The following RBMS3 variants were observed in gnomAD, a reference collection of about 807,000 sequenced individuals.
RBMS3 encodes the protein RNA-binding motif, single-stranded-interacting protein 3.
A neutral mutation model predicts 66.8 loss-of-function variants in RBMS3; 27 were observed. That is an observed-to-expected ratio of 0.40 (90% CI 0.30 to 0.56). The LOEUF (loss-of-function observed/expected upper bound fraction) is 0.56, where lower values mean the gene tolerates loss of function less well. Ranked by LOEUF, RBMS3 falls within the 20% of genes least tolerant of loss-of-function variation. RBMS3 has a pLI of 0.40. For synonymous variants in RBMS3, 188 were observed against 183.0 expected, an observed-to-expected ratio of 1.03 and a Z score of -0.22; for missense variants, 513 against 549.5, an observed-to-expected ratio of 0.93 and a Z score of 0.66.
intron 1 of RBMS3, among the ~76,000 whole-genome samples, chr3:29,338,698 CCTCCTCTCCT>C (rs145928823): frequency 8.8e-6 from 1 of 114,204 alleles, no homozygotes; most frequent in Non-Finnish European, 1.8e-5. Flanking sequence ...CTCCTCTCCT[CCTCCTCTCCT>C]CTCCTCTCCT....
chr3:29,376,588 T>C (rs2038481583), intron 1 of RBMS3, among the ~76,000 whole-genome samples: 1 of 151,944 alleles, frequency 6.6e-6, no homozygotes, highest in African/African-American at 2.4e-5. Context: ...CTGACCAACA[T>C]GGTGAAACTT....
intron 2 of RBMS3, among the ~76,000 whole-genome samples, chr3:29,475,234 T>C (rs2042902211): frequency 6.6e-6 from 1 of 151,878 alleles, no homozygotes; most frequent in African/African-American, 2.4e-5. Context: ...TTGGCTTTAA[T>C]AAGTTTCTTT....
chr3:29,409,709 G>A (rs2040184374), intron 1 of RBMS3, among the ~76,000 whole-genome samples: 1 of 152,194 alleles, frequency 6.6e-6, no homozygotes, highest in Non-Finnish European at 1.5e-5. Context: ...TAAACTCAGA[G>A]CTAATGTGAG....
Position 29,953,706 on chromosome 3 carries a change from C to T in RBMS3, c.1098+9452C>T, listed in dbSNP as rs138110513. Among the ~76,000 whole-genome samples, 19 of 151,906 alleles carry T rather than the reference C, an allele frequency of 1.3e-4. No individual in the cohort carries two copies. The East Asian group carries it at 1.4e-3, about 11-fold the overall frequency. On this transcript the variant is annotated intron_variant, in intron 12 of 14. Coordinates refer to ENST00000383767, the MANE Select transcript of RBMS3 (RefSeq NM_001003793.3). Reference sequence around the variant, plus strand: ...TAACATTTGATTGTCACAATCATTCCGCAGGGAGTTTCTTTGTCCTCTGCA... The same window carrying T: ...TAACATTTGATTGTCACAATCATTCTGCAGGGAGTTTCTTTGTCCTCTGCA...
At chr3:29,551,734 G>C (rs1444203579) in intron 3 of RBMS3, among the ~76,000 whole-genome samples, 1 of 152,172 alleles carries the variant, frequency 6.6e-6, no homozygotes, top group Non-Finnish European at 1.5e-5. Context: ...CAATTCAAGT[G>C]TGACGAGGTA....
intron 4 of RBMS3, among the ~76,000 whole-genome samples, chr3:29,648,094 A>G (rs2050003799): frequency 6.6e-6 from 1 of 152,062 alleles, no homozygotes. Flanking sequence ...TTATAAATAC[A>G]TTTGCAATAC....
At chr3:29,515,028 C>T (rs974189935) in intron 3 of RBMS3, among the ~76,000 whole-genome samples, 1 of 151,986 alleles carries the variant, frequency 6.6e-6, no homozygotes, top group Admixed American at 6.6e-5. Context: ...AGTCACAGAG[C>T]CTGATAGAGT....
intron 4 of RBMS3, among the ~76,000 whole-genome samples, chr3:29,689,648 A>T (rs1442076971): frequency 6.6e-6 from 1 of 152,180 alleles, no homozygotes; most frequent in African/African-American, 2.4e-5. Flanking sequence ...CTGATTAATT[A>T]GAAGGCTTGC....
intron 4 of RBMS3, among the ~76,000 whole-genome samples, chr3:29,604,045 A>G (rs1184495281): frequency 6.6e-6 from 1 of 151,986 alleles, no homozygotes; most frequent in African/African-American, 2.4e-5. Flanking sequence ...TCATACTGCA[A>G]TGCATTAAAT....
In RBMS3 at chr3:29,860,090, C is replaced by T. The variant is rs148748053; in HGVS notation, c.638-8768C>T. ...TGAAAATGATTAAAGGCATGGGTTC[C>T]AGCATACAGTTAGCTTCAGACACTT... On this transcript the variant is annotated intron_variant, in intron 6 of 14. Transcript: ENST00000383767. 2.7e-3 allele frequency among the ~76,000 whole-genome samples: 412 copies of T among 152,254 alleles called. 2 individuals are homozygous for T. Among genetic ancestry groups the T allele is most frequent in the Non-Finnish European group, 3.7e-3 (250 of 68,014 alleles).
chr3:29,957,184 G>C (rs908445460), intron 12 of RBMS3, among the ~76,000 whole-genome samples: 1 of 152,016 alleles, frequency 6.6e-6, no homozygotes, highest in African/African-American at 2.4e-5. Flanking sequence ...GTAACATTTA[G>C]CACACTGAAT....
At chr3:29,439,778 A>G (rs1190016046) in intron 2 of RBMS3, among the ~76,000 whole-genome samples, 2 of 152,008 alleles carry the variant, frequency 1.3e-5, no homozygotes, top group African/African-American at 4.8e-5. Flanking sequence ...CCCAGTCTTG[A>G]ACGGGTCATC....
rs142817613 is a variant in RBMS3 at position 29,522,257 on chromosome 3, A to T, written c.307+33758A>T. On this transcript the variant is annotated intron_variant, in intron 3 of 14. Transcript: ENST00000383767. ...ACTCAGGCTGGAGTGCAGTGCTGTG[A>T]TCTCGGCTCACTGCAACCTCCACCT... 7.1e-3 allele frequency among the ~76,000 whole-genome samples: 1,084 copies of T among 152,134 alleles called. 9 individuals carry two copies. Among genetic ancestry groups the T allele is most frequent in the South Asian group, 0.036 (172 of 4,824 alleles).
intron 7 of RBMS3, among the ~76,000 whole-genome samples, chr3:29,871,762 C>G (rs2059497135): frequency 6.6e-6 from 1 of 152,004 alleles, no homozygotes; most frequent in Non-Finnish European, 1.5e-5. Flanking sequence ...GGATACAAAA[C>G]CAATAGATTA....
At chr3:29,851,842 T>C (rs1358547667) in intron 6 of RBMS3, among the ~76,000 whole-genome samples, 1 of 152,182 alleles carries the variant, frequency 6.6e-6, no homozygotes, top group African/African-American at 2.4e-5. Flanking sequence ...TTAAGATGCA[T>C]GTGTAACTAA....
Position 29,295,308 on chromosome 3 carries a change from TATATATACATATATATATAC to T in RBMS3, c.75+13554_75+13573del, listed in dbSNP as rs1559467257. Among the ~76,000 whole-genome samples, 348 of 56,600 alleles carry T rather than the reference TATATATACATATATATATAC, an allele frequency of 6.1e-3. 3 individuals carry two copies. Among genetic ancestry groups the T allele is most frequent in the African/African-American group, 0.018 (335 of 18,426 alleles). The allele number at this position is 56,600 out of a possible 152,430, so 37.1% of individuals were successfully genotyped here. A position where few individuals can be genotyped will look rare whatever the true frequency, so the allele number is the denominator to read the frequency against. ...ATATATATATATACATATATATCTATATATATACATATATATATACACACACATATATATATACATATATA... is the reference window on the plus strand; with the variant it reads ...ATATATATATATACATATATATCTATACACACATATATATATACATATATA... On this transcript the variant is annotated intron_variant, in intron 1 of 14. Transcript: ENST00000383767.
chr3:29,309,981 G>C (rs73832020), intron 1 of RBMS3, among the ~76,000 whole-genome samples: 1 of 151,724 alleles, frequency 6.6e-6, no homozygotes, highest in Admixed American at 6.6e-5. Flanking sequence ...ATGGGTTTGT[G>C]AAAGAGGGAG....
chr3:29,941,939 G>T (rs1301569696), intron 11 of RBMS3, among the ~76,000 whole-genome samples: 6 of 151,810 alleles, frequency 4.0e-5, no homozygotes, highest in Non-Finnish European at 5.9e-5. Context: ...ATCTAAATTT[G>T]TATAAGTACC....
chr3:29,514,095 A>G (rs182536662), intron 3 of RBMS3, among the ~76,000 whole-genome samples: 65 of 152,326 alleles, frequency 4.3e-4, no homozygotes, highest in African/African-American at 1.5e-3. Context: ...AACGTGAAGT[A>G]GCCTAGAATA....
Sources: allele counts gnomAD v4.1 joint callset (sites outside exome capture counted in the v4.1 genomes callset), GRCh38; gene constraint gnomAD v4.1.1; transcripts MANE v1.5; gene names NCBI Gene and HGNC (gene_info 2026-07-23, HGNC 2026-07-21).